The following CALN1 variants were observed in gnomAD, a reference collection of about 807,000 sequenced individuals.
The protein encoded by CALN1 is calcium-binding protein 8.
CALN1 carries 17 observed loss-of-function variants against 30.6 expected under a neutral mutation model. The observed-to-expected ratio is 0.56, with a 90% confidence interval of 0.38 to 0.83. The LOEUF is 0.83. Among genes scored for constraint, CALN1 ranks in the 40% least tolerant of loss-of-function variants. The pLI is 0.00. For synonymous variants in CALN1, 156 were observed against 131.4 expected (o/e 1.19, Z -1.28); for missense variants, 291 against 354.9 (o/e 0.82, Z 1.45).
chr7:72,074,137 T>G lies in CALN1; in HGVS notation c.388+32014A>C, dbSNP rs1411551892. Among the ~76,000 whole-genome samples, 2 of 152,198 alleles carry G rather than the reference T, an allele frequency of 1.3e-5. 1 individual carries two copies. The highest frequency in any genetic ancestry group is 4.1e-4 in the South Asian group (2 of 4,830). ...GGTTAAAACATGAACAAAACTACTGTATTAGTCTTTCTAGATCAGACAGTC... is the reference window on the plus strand; with the variant it reads ...GGTTAAAACATGAACAAAACTACTGGATTAGTCTTTCTAGATCAGACAGTC... On this transcript the variant is annotated intron_variant, in intron 4 of 6. Coordinates refer to ENST00000395275, the MANE Select transcript of CALN1 (RefSeq NM_031468.4).
chr7:72,342,238 G>A (rs1382009351), intron 2 of CALN1, among the ~76,000 whole-genome samples: 4 of 132,790 alleles, frequency 3.0e-5, no homozygotes, highest in African/African-American at 8.7e-5. Context: ...CAACTTGGGT[G>A]AAAGACCAAG....
At chr7:72,299,274 A>G (rs1799081708) in intron 2 of CALN1, among the ~76,000 whole-genome samples, 1 of 152,224 alleles carries the variant, frequency 6.6e-6, no homozygotes, top group African/African-American at 2.4e-5. Flanking sequence ...AATTACCATG[A>G]AACAAGGAAA....
rs79651047 is a variant in CALN1 at position 72,112,545 on chromosome 7, C to T, written c.245-6251G>A. Among the ~76,000 whole-genome samples the T allele has an allele frequency of 1.8e-4, 27 of 152,110 alleles. No individual in the cohort carries two copies. In the East Asian group the frequency reaches 5.0e-3, roughly 28 times the overall value. On this transcript the variant is annotated intron_variant, in intron 3 of 6. Transcript: ENST00000395275. ...TTATTTAAAAGCTATGGAAATGCAC[C>T]GGAAAATGTAAGATACAAACCTAGA...
intron 4 of CALN1, among the ~76,000 whole-genome samples, chr7:72,088,682 G>A (rs1488136959): frequency 3.7e-5 from 5 of 135,692 alleles, no homozygotes; most frequent in Non-Finnish European, 6.1e-5. Flanking sequence ...CTGGGAGACA[G>A]AGTGAGACTC....
intron 5 of CALN1, among the ~76,000 whole-genome samples, chr7:71,848,754 GA>G (rs1790468121): frequency 6.6e-6 from 1 of 151,822 alleles, no homozygotes; most frequent in South Asian, 2.1e-4. Flanking sequence ...AAACATAATA[GA>G]AAAAAATTAC....
Position 71,786,497 on chromosome 7 carries a change from C to T in CALN1, c.*1278G>A, listed in dbSNP as rs750963764. ...CCTTGGATTCAGTTCTCTTCCCCAA[C>T]GAAAAGTATTCTGCAGGCAGGAGTA... On this transcript the variant is annotated 3_prime_UTR_variant, in exon 7 of 7. Transcript: ENST00000395275. The T allele has an allele frequency of 5.9e-5, 9 of 152,124 alleles. No homozygotes were observed. The highest frequency in any genetic ancestry group is 1.2e-4 in the African/African-American group (5 of 41,426). 9.4% of individuals were successfully genotyped at this position (152,124 alleles called of 1,614,324 possible).
chr7:71,810,551 G>A (rs1787889381), intron 5 of CALN1, 59 bp from the exon 6 acceptor site: 26 of 1,569,530 alleles, frequency 1.7e-5, no homozygotes, highest in East Asian at 4.5e-5. Flanking sequence ...AAGTTGGCTC[G>A]GGCCATGACA....
intron 3 of CALN1, among the ~76,000 whole-genome samples, chr7:72,262,827 G>A (rs1030462623): frequency 6.6e-6 from 1 of 152,180 alleles, no homozygotes; most frequent in Non-Finnish European, 1.5e-5. Context: ...GGCAATTTAA[G>A]TCTGTTACCT....
intron 2 of CALN1, among the ~76,000 whole-genome samples, chr7:72,395,883 G>C (rs1320803878): frequency 2.0e-5 from 3 of 152,130 alleles, no homozygotes; most frequent in Non-Finnish European, 2.9e-5. Flanking sequence ...GGAGCCCAGT[G>C]ATCAGAATTC....
the CALN1 span, among the ~76,000 whole-genome samples, chr7:72,476,120 T>C: frequency 6.6e-6 from 1 of 151,846 alleles, no homozygotes; most frequent in Non-Finnish European, 1.5e-5. Context: ...AGCTAATTTT[T>C]GTATTTTTAA....
intron 5 of CALN1, among the ~76,000 whole-genome samples, chr7:71,971,924 C>T (rs1232285627): frequency 7.1e-5 from 4 of 56,374 alleles, no homozygotes; most frequent in African/African-American, 4.2e-4. Context: ...GAGTGGGACC[C>T]TGTCTCAAAA....
At chr7:72,047,102 C>T (rs576651157) in intron 4 of CALN1, among the ~76,000 whole-genome samples, 4 of 151,968 alleles carry the variant, frequency 2.6e-5, no homozygotes, top group Non-Finnish European at 4.4e-5. Context: ...AGTGGGGAAA[C>T]GTAAGGTTTA....
chr7:72,353,748 T>A (rs1052553675), intron 2 of CALN1, among the ~76,000 whole-genome samples: 21 of 152,096 alleles, frequency 1.4e-4, no homozygotes, highest in African/African-American at 5.1e-4. Flanking sequence ...GATTGGTAAG[T>A]AAGAAGTAAA....
chr7:72,113,006 C>T (rs1398581851), intron 3 of CALN1, among the ~76,000 whole-genome samples: 1 of 152,160 alleles, frequency 6.6e-6, no homozygotes, highest in Non-Finnish European at 1.5e-5. Flanking sequence ...ACGGGCATGT[C>T]TACAATTCTG....
At chr7:72,008,824 T>C (rs1019556804) in intron 5 of CALN1, among the ~76,000 whole-genome samples, 3 of 151,918 alleles carry the variant, frequency 2.0e-5, no homozygotes, top group African/African-American at 7.2e-5. Flanking sequence ...CCCATCTAAT[T>C]TTTGTATTTT....
chr7:72,120,382 A>T (rs1808294533), intron 3 of CALN1, among the ~76,000 whole-genome samples: 1 of 152,148 alleles, frequency 6.6e-6, no homozygotes, highest in Non-Finnish European at 1.5e-5. Flanking sequence ...TCTGCAAAAC[A>T]GCATTTTTGA....
At chr7:72,060,275 G>GT (rs1803557948) in intron 4 of CALN1, among the ~76,000 whole-genome samples, 1 of 152,200 alleles carries the variant, frequency 6.6e-6, no homozygotes, top group Admixed American at 6.5e-5. Context: ...ATTGTCTCGA[G>GT]TAGGAACAAA....
intron 4 of CALN1, among the ~76,000 whole-genome samples, chr7:72,062,533 AAAAAAAT>A (rs1407623236): frequency 1.5e-4 from 23 of 149,294 alleles, no homozygotes; most frequent in East Asian, 3.9e-4. Context: ...AAAAAAAAGA[AAAAAAAT>A]AAATAAATAA....
chr7:72,101,163 A>T (rs1173063238), intron 4 of CALN1, among the ~76,000 whole-genome samples: 1 of 151,908 alleles, frequency 6.6e-6, no homozygotes, highest in East Asian at 2.0e-4. Context: ...ACAGGATTTC[A>T]CTATGTTGGT....
Sources: allele counts gnomAD v4.1 joint callset (sites outside exome capture counted in the v4.1 genomes callset), GRCh38; gene constraint gnomAD v4.1.1; transcripts MANE v1.5; gene names NCBI Gene and HGNC (gene_info 2026-07-23, HGNC 2026-07-21).